SNRPN: variants seen among roughly 807,000 people sequenced by gnomAD.
The protein encoded by SNRPN is small nuclear ribonucleoprotein polypeptide N.
Under a neutral mutation model 25.2 loss-of-function variants are expected in SNRPN, and 7 were observed. The ratio of observed to expected loss-of-function variants is 0.28; its 90% CI spans 0.16 to 0.52. The LOEUF (loss-of-function observed/expected upper bound fraction) is 0.52, where lower values mean the gene tolerates loss of function less well. Ranked by LOEUF, SNRPN falls within the 20% of genes least tolerant of loss-of-function variation. SNRPN has a pLI of 0.96. For synonymous variants in SNRPN, 124 were observed against 110.6 expected, an observed-to-expected ratio of 1.12 and a Z score of -0.76; for missense variants, 196 against 322.5, an observed-to-expected ratio of 0.61 and a Z score of 3.00.
upstream of SNRPN, among the ~76,000 whole-genome samples, chr15:24,951,255 A>C (rs906624607): frequency 6.6e-6 from 1 of 152,088 alleles, no homozygotes; most frequent in African/African-American, 2.4e-5. Flanking sequence ...AAACTCTTCC[A>C]CTGTGGCTGT....
rs192927456 is a variant in SNRPN at position 24,832,052 on chromosome 15, T to G, written c.-579+2147T>G. ...GCTCGATCAAAGGGTAATTCTATTGTTTTTTTTTTTAGGATCCTTCACAAT... is the reference window on the plus strand; with the variant it reads ...GCTCGATCAAAGGGTAATTCTATTGGTTTTTTTTTTAGGATCCTTCACAAT... On this transcript the variant is annotated intron_variant, in intron 2 of 12. Transcript: ENST00000400100. Among the ~76,000 whole-genome samples the G allele has an allele frequency of 5.6e-5, 8 of 143,564 alleles. No homozygotes were observed. The East Asian group carries it at 1.4e-3, about 25-fold the overall frequency. 94.2% of individuals were successfully genotyped at this position (143,564 alleles called of 152,430 possible). A position where few individuals can be genotyped will look rare whatever the true frequency, so the allele number is the denominator to read the frequency against.
At position 24,978,609 on chromosome 15, in the gene SNRPN, C is replaced by A. The variant is rs534861445; in HGVS notation, c.*165C>A. ...GGTACTGTTGTATATATTTTTTTGC[C>A]TGTTGATTTTGATGAGATCTTAAGT... On this transcript the variant is annotated 3_prime_UTR_variant, in exon 10 of 10. Coordinates refer to ENST00000390687, the MANE Select transcript of SNRPN (RefSeq NM_003097.6). 249 of 699,124 alleles carry A rather than the reference C, an allele frequency of 3.6e-4. No individual in the cohort carries two copies. Among genetic ancestry groups the A allele is most frequent in the Non-Finnish European group, 5.1e-4 (211 of 411,008 alleles). The allele number at this position is 699,124 out of a possible 1,614,324, so 43.3% of individuals were successfully genotyped here. A position where few individuals can be genotyped will look rare whatever the true frequency, so the allele number is the denominator to read the frequency against.
chr15:24,964,412 T>C (rs1244135189), intron 2 of SNRPN, among the ~76,000 whole-genome samples: 1 of 152,050 alleles, frequency 6.6e-6, no homozygotes, highest in African/African-American at 2.4e-5. Flanking sequence ...CCTGCCTCAG[T>C]CTCCCAAGTA....
Position 24,862,639 on chromosome 15 carries a change from G to GT in SNRPN, c.-579+5926dup, listed in dbSNP as rs1250713761. ...AGACAAAGTTTCCAAATTCTCAGGT[G>GT]TTTAAGACGAGTGAGGATTCAGAAA... On this transcript the variant is annotated intron_variant, in intron 1 of 11. Coordinates refer to the SNRPN transcript ENST00000400097. Among the ~76,000 whole-genome samples, 2 of 151,142 alleles carry GT rather than the reference G, an allele frequency of 1.3e-5. 1 individual carries two copies. Among genetic ancestry groups the GT allele is most frequent in the African/African-American group, 4.9e-5 (2 of 40,508 alleles).
intron 3 of SNRPN, among the ~76,000 whole-genome samples, chr15:24,935,919 G>GTGGA (rs2152955582): frequency 6.6e-6 from 1 of 151,878 alleles, no homozygotes; most frequent in East Asian, 1.9e-4. Flanking sequence ...TTCAAGACCA[G>GTGGA]CCTGGCCAAC....
chr15:24,960,666 A>G (rs754751357), intron 1 of SNRPN, among the ~76,000 whole-genome samples: 3 of 152,172 alleles, frequency 2.0e-5, no homozygotes, highest in Non-Finnish European at 4.4e-5. Flanking sequence ...TAGATTAGCC[A>G]CTTGTATGTG....
chr15:24,836,095 C>T (rs982082410), intron 2 of SNRPN, among the ~76,000 whole-genome samples: 1 of 152,046 alleles, frequency 6.6e-6, no homozygotes, highest in Non-Finnish European at 1.5e-5. Context: ...TCTTTGTGAC[C>T]TCTCTACGTG....
intron 1 of SNRPN, among the ~76,000 whole-genome samples, chr15:24,859,922 A>G (rs7359196): frequency 0.47 from 71,776 of 152,030 alleles, 17,494 homozygotes; most frequent in East Asian, 0.55. Context: ...TCTCGTCACC[A>G]TCATGGTTTT....
intron 2 of SNRPN, among the ~76,000 whole-genome samples, chr15:24,896,492 C>A (rs1455187502): frequency 6.6e-6 from 1 of 151,824 alleles, no homozygotes; most frequent in African/African-American, 2.4e-5. Context: ...AGGCAGATCA[C>A]AAGGTCAGGA....
intron 3 of SNRPN, among the ~76,000 whole-genome samples, chr15:24,922,992 G>A (rs552316736): frequency 6.7e-4 from 86 of 129,172 alleles, no homozygotes; most frequent in African/African-American, 2.3e-3. Flanking sequence ...TGCAACCTCC[G>A]CCTTCTGCAT....
chr15:24,903,918 C>T (rs2058624900), intron 2 of SNRPN, among the ~76,000 whole-genome samples: 1 of 151,724 alleles, frequency 6.6e-6, no homozygotes, highest in Non-Finnish European at 1.5e-5. Context: ...CCTGTGGTCC[C>T]AGGTATTTGG....
chr15:24,846,498 G>T (rs1294381863), intron 2 of SNRPN, among the ~76,000 whole-genome samples: 5 of 152,166 alleles, frequency 3.3e-5, no homozygotes, highest in African/African-American at 7.2e-5. Context: ...TTGTAGTAGG[G>T]AATGTGCATT....
chr15:24,968,895 G>A (rs2076037479), intron 3 of SNRPN: 1 of 152,090 alleles, frequency 6.6e-6, no homozygotes, highest in Non-Finnish European at 1.5e-5. Flanking sequence ...TTATTACAAA[G>A]TCGATTTTGA....
rs750357054 is a variant in SNRPN, at chr15:24,923,597, T to C, written c.-391+3473T>C. ...AGCAGAGTGGGTAAGTAAATGGTGG[T>C]ATAGGAATTCAATGGAATTCAACTA... On this transcript the variant is annotated intron_variant, in intron 3 of 11. Transcript: ENST00000400097. Among the ~76,000 whole-genome samples, 3 of 152,196 alleles carry C rather than the reference T, an allele frequency of 2.0e-5. 1 individual carries two copies. The highest frequency in any genetic ancestry group is 4.4e-5 in the Non-Finnish European group (3 of 68,032).
chr15:24,853,433 G>A (rs1368762515), upstream of SNRPN, among the ~76,000 whole-genome samples: 1 of 146,974 alleles, frequency 6.8e-6, no homozygotes, highest in Non-Finnish European at 1.5e-5. Flanking sequence ...TCGTTCTGTT[G>A]CCCAGGCTGG....
chr15:24,921,517 C>G (rs1316342749), intron 3 of SNRPN, among the ~76,000 whole-genome samples: 4 of 152,116 alleles, frequency 2.6e-5, no homozygotes, highest in Non-Finnish European at 1.5e-5. Context: ...TAGTTGTAAT[C>G]CAGGCAATAT....
intron 2 of SNRPN, among the ~76,000 whole-genome samples, chr15:24,835,730 TG>T (rs2051113407): frequency 6.6e-6 from 1 of 152,134 alleles, no homozygotes; most frequent in African/African-American, 2.4e-5. Flanking sequence ...AAACGTACCA[TG>T]GGGAAGAAAG....
chr15:24,846,652 A>G (rs1302500810), intron 2 of SNRPN, among the ~76,000 whole-genome samples: 1 of 152,250 alleles, frequency 6.6e-6, no homozygotes, highest in East Asian at 1.9e-4. Flanking sequence ...AAGAAGGATT[A>G]GTATTCAGGT....
intron 2 of SNRPN, among the ~76,000 whole-genome samples, chr15:24,848,044 T>A (rs1359914205): frequency 1.3e-5 from 2 of 151,964 alleles, no homozygotes; most frequent in Admixed American, 1.3e-4. Flanking sequence ...TCAGGTGCAT[T>A]CGCTCATGTC....
Sources: gnomAD v4.1 joint callset for allele counts (sites outside exome capture counted in the v4.1 genomes callset) on GRCh38, gnomAD v4.1.1 for gene constraint, MANE v1.5 for transcripts, NCBI Gene and HGNC (gene_info 2026-07-23, HGNC 2026-07-21) for gene names.